Variants in CREM observed in about 807,000 individuals in gnomAD.
CREM encodes cAMP-responsive element modulator.
Under a neutral mutation model 37.3 loss-of-function variants are expected in CREM, and 13 were observed. The observed-to-expected ratio is 0.35, with a 90% confidence interval of 0.23 to 0.55. The LOEUF (loss-of-function observed/expected upper bound fraction) is 0.55. CREM is among the 20% of genes least tolerant of loss of function. CREM has a pLI of 0.88. For missense variants in CREM, 296 were observed against 362.3 expected, an observed-to-expected ratio of 0.82 and a Z score of 1.49; for synonymous variants, 124 against 120.2, an observed-to-expected ratio of 1.03 and a Z score of -0.21.
intron 3 of CREM, among the ~76,000 whole-genome samples, chr10:35,161,907 G>A (rs1463948534): frequency 2.0e-5 from 3 of 152,122 alleles, no homozygotes; most frequent in African/African-American, 7.2e-5. Flanking sequence ...AGATGATCCA[G>A]CAATTTCATT....
At chr10:35,158,271 T>C (rs1589617883) in intron 3 of CREM, 2 of 158,428 alleles carry the variant, frequency 1.3e-5, no homozygotes, top group Middle Eastern at 6.0e-3. Flanking sequence ...GCGAAAGGAA[T>C]ATTGAACCAA....
intron 1 of CREM, among the ~76,000 whole-genome samples, chr10:35,134,998 A>G (rs983227940): frequency 2.0e-4 from 31 of 151,886 alleles, no homozygotes; most frequent in African/African-American, 6.5e-4. Context: ...AGATGGTGCC[A>G]CTGCACTCCA....
chr10:35,183,837 G>A (rs1564907967), intron 5 of CREM, among the ~76,000 whole-genome samples: 1 of 152,248 alleles, frequency 6.6e-6, no homozygotes, highest in Non-Finnish European at 1.5e-5. Context: ...CACTTTGGGA[G>A]GCTGAGGTGG....
intron 6 of CREM, among the ~76,000 whole-genome samples, chr10:35,196,803 G>C (rs1393104642): frequency 6.7e-6 from 1 of 149,916 alleles, no homozygotes; most frequent in Non-Finnish European, 1.5e-5. Flanking sequence ...TTACCCCTTT[G>C]ACTTGTCTAA....
chr10:35,183,938 G>T (rs939890432), intron 5 of CREM, among the ~76,000 whole-genome samples: 1 of 152,188 alleles, frequency 6.6e-6, no homozygotes, highest in African/African-American at 2.4e-5. Flanking sequence ...GCCGGGTGTG[G>T]TGGTGCACAC....
intron 3 of CREM, among the ~76,000 whole-genome samples, chr10:35,174,277 C>T (rs969877175): frequency 2.0e-5 from 3 of 152,150 alleles, no homozygotes; most frequent in African/African-American, 7.2e-5. Flanking sequence ...ATTCTGTACT[C>T]CTGTGATATT....
chr10:35,152,645 G>A (rs570192410), intron 3 of CREM, among the ~76,000 whole-genome samples: 2 of 152,260 alleles, frequency 1.3e-5, no homozygotes, highest in Admixed American at 1.3e-4. Context: ...TATTAAGTAC[G>A]TGTGTTGATA....
chr10:35,179,349 G>A, intron 5 of CREM, 73 bp downstream of exon 5: 2 of 1,539,710 alleles, frequency 1.3e-6, no homozygotes, highest in Non-Finnish European at 1.8e-6. Flanking sequence ...AGCAACTCAG[G>A]TTTTGGCATT....
intron 5 of CREM, among the ~76,000 whole-genome samples, 154 bp from the exon 6 acceptor site, chr10:35,188,046 A>C (rs2094727889): frequency 6.6e-6 from 1 of 152,268 alleles, no homozygotes; most frequent in Admixed American, 6.5e-5. Context: ...TCCCATGACG[A>C]AGCTGATCTT....
intron 1 of CREM, among the ~76,000 whole-genome samples, chr10:35,128,646 C>A (rs1017458674): frequency 1.3e-5 from 2 of 151,836 alleles, no homozygotes; most frequent in Non-Finnish European, 2.9e-5. Flanking sequence ...CTGCCTCAGC[C>A]TCCTGAGTAG....
intron 3 of CREM, chr10:35,167,593 C>A: frequency 4.9e-6 from 4 of 818,224 alleles, no homozygotes; most frequent in Middle Eastern, 2.7e-4. Context: ...TGTTACAACA[C>A]TGTGAGGTTT....
chr10:35,186,248 TA>T (rs1409648867), intron 5 of CREM, among the ~76,000 whole-genome samples: 3 of 152,190 alleles, frequency 2.0e-5, no homozygotes, highest in African/African-American at 7.2e-5. Flanking sequence ...TGTTAAAATA[TA>T]CAGACCTTTC....
At chr10:35,132,081 A>G (rs187430964) in intron 1 of CREM, among the ~76,000 whole-genome samples, 86 of 151,962 alleles carry the variant, frequency 5.7e-4, no homozygotes, top group Non-Finnish European at 1.0e-3. Context: ...CGCGCGTGTA[A>G]TCCCAGCTAC....
chr10:35,180,895 A>C (rs2094323470), intron 5 of CREM, among the ~76,000 whole-genome samples: 1 of 152,154 alleles, frequency 6.6e-6, no homozygotes, highest in Admixed American at 6.5e-5. Context: ...CACTCACCCC[A>C]GTGGGCTGTA....
chr10:35,204,016 A>G (rs531756288), intron 6 of CREM, among the ~76,000 whole-genome samples: 136 of 152,280 alleles, frequency 8.9e-4, no homozygotes, highest in South Asian at 2.1e-3. Context: ...CAGCTGTTCT[A>G]TTGTTTCAGC....
At chr10:35,130,212 A>G (rs2089071323) in intron 1 of CREM, among the ~76,000 whole-genome samples, 2 of 151,900 alleles carry the variant, frequency 1.3e-5, no homozygotes, top group South Asian at 4.1e-4. Context: ...AAAAAAAAAA[A>G]AAAAAAATTT....
chr10:35,134,277 C>T (rs914641499), intron 1 of CREM, among the ~76,000 whole-genome samples: 5 of 152,048 alleles, frequency 3.3e-5, no homozygotes, highest in Admixed American at 1.3e-4. Context: ...AGTGCAGGGG[C>T]GCGATCTTGG....
chr10:35,199,887 C>CTTTTTT lies in CREM; in HGVS notation c.599-6994_599-6989dup. Among the ~76,000 whole-genome samples the CTTTTTT allele has an allele frequency of 1.6e-5, 2 of 121,352 alleles. 1 individual carries two copies. The highest frequency in any genetic ancestry group is 3.3e-5 in the Non-Finnish European group (2 of 61,308). The allele number at this position is 121,352 out of a possible 152,430, so 79.6% of individuals were successfully genotyped here. ...ATATTATTTTAAGTCGTTAAAATGG[C>CTTTTTT]TTTTTTTTTTTTTTTTTTTAAGACA... On this transcript the variant is annotated intron_variant, in intron 6 of 7. Coordinates refer to ENST00000685392, the MANE Select transcript of CREM (RefSeq NM_183011.2).
chr10:35,164,081 A>G (rs972184634), intron 3 of CREM, among the ~76,000 whole-genome samples: 2 of 152,174 alleles, frequency 1.3e-5, no homozygotes, highest in Admixed American at 6.5e-5. Flanking sequence ...TTTTCATACT[A>G]TATTTTAATA....
Sources: gnomAD v4.1 joint callset for allele counts (sites outside exome capture counted in the v4.1 genomes callset) on GRCh38, gnomAD v4.1.1 for gene constraint, MANE v1.5 for transcripts, NCBI Gene and HGNC (gene_info 2026-07-23, HGNC 2026-07-21) for gene names.